Variants in NEB observed in about 807,000 individuals in gnomAD.
The protein encoded by NEB is nebulin.
NEB carries 512 observed loss-of-function variants against 952.2 expected under a neutral mutation model. The ratio of observed to expected loss-of-function variants is 0.54; its 90% CI spans 0.50 to 0.58. The LOEUF (loss-of-function observed/expected upper bound fraction) is 0.58. Among genes scored for constraint, NEB ranks in the 20% least tolerant of loss-of-function variants. The pLI is 0.00. For synonymous variants in NEB, 2,900 were observed against 3,149.8 expected (o/e 0.92, Z 2.66); for missense variants, 8,428 against 9,231.1 (o/e 0.91, Z 3.56).
intron 144 of NEB, 99 bp from the exon 145 acceptor site, chr2:151,531,200 A>G (rs894906365): frequency 2.5e-6 from 2 of 786,970 alleles, no homozygotes; most frequent in Non-Finnish European, 4.2e-6. Flanking sequence ...TATAAAGGAA[A>G]GAGAATTCTA....
rs1472738058 is a variant in NEB, at chr2:151,733,020, A to G, written c.36+101T>C. 2.5e-5 allele frequency: 26 copies of G among 1,029,324 alleles called. No homozygotes were observed. The East Asian group carries it at 6.5e-4, about 26-fold the overall frequency. 63.8% of individuals were successfully genotyped at this position (1,029,324 alleles called of 1,614,324 possible). On this transcript the variant is annotated intron_variant, in intron 3 of 181. Coordinates refer to ENST00000397345, the MANE Select transcript of NEB (RefSeq NM_001164508.2). ...TTAAATGATGACTCTTTGTGAAGTTATAATAGACAATGTATTTTTCGAATG... is the reference window on the plus strand; with the variant it reads ...TTAAATGATGACTCTTTGTGAAGTTGTAATAGACAATGTATTTTTCGAATG...
chr2:151,656,014 T>C lies in NEB; in HGVS notation c.6505A>G (p.Lys2169Glu), dbSNP rs752328965. 6.8e-6 allele frequency: 11 copies of C among 1,613,012 alleles called. No individual in the cohort carries two copies. The Admixed American group carries it at 1.8e-4, about 27-fold the overall frequency. ...MNRIQSDNEY[K>E]QDYNEWYKGL... Reference sequence around the variant, plus strand: ...TTGTACCATTCATTGTAATCTTGCTTATATTCATTCTATAAAGAAGATAAG... The same window carrying C: ...TTGTACCATTCATTGTAATCTTGCTCATATTCATTCTATAAAGAAGATAAG... Residue 2169 changes from lysine (K) to glutamate (E), a missense_variant, in exon 50 of 182, where the codon AAG (lysine) becomes GAG (glutamate). Transcript: ENST00000397345.
chr2:151,616,183 G>T, intron 75 of NEB, 74 bp from the exon 76 acceptor site: 2 of 1,067,842 alleles, frequency 1.9e-6, no homozygotes, highest in Non-Finnish European at 2.8e-6. Flanking sequence ...GTTTTTCTTT[G>T]TCCTCATTTA....
chr2:151,640,711 T>G, intron 60 of NEB, 45 bp from the exon 61 acceptor site: 1 of 1,556,810 alleles, frequency 6.4e-7, no homozygotes, highest in Non-Finnish European at 8.7e-7. Context: ...TAACTTTTAG[T>G]AAAAAGCAAT....
At position 151,568,133 on chromosome 2, in the gene NEB, T is replaced by C. The variant is rs753969729; in HGVS notation, c.17782A>G (p.Ile5928Val). Residue 5928 changes from isoleucine to valine, a missense_variant, in exon 113 of 182, where the codon ATT becomes GTT. By Grantham distance (29) the Ile-to-Val change is conservative. Transcript: ENST00000397345. Reference sequence around the variant, plus strand: ...AATGGCACAGCATCTGGAGGCAAAATGTAACCTGTGGCTTTTTGTCTCTCC... The same window carrying C: ...AATGGCACAGCATCTGGAGGCAAAACGTAACCTGTGGCTTTTTGTCTCTCC... ...GWERQKATGYILPPDAVPFVH... is the reference protein window; with the variant it reads ...GWERQKATGYVLPPDAVPFVH... 3.1e-6 allele frequency: 5 copies of C among 1,613,596 alleles called. No individual in the cohort carries two copies. The highest frequency in any genetic ancestry group is 2.2e-5 in the East Asian group (1 of 44,850).
chr2:151,631,449 G>A (rs752829395), intron 65 of NEB, 103 bp from the exon 66 acceptor site: 70 of 1,274,278 alleles, frequency 5.5e-5, no homozygotes, highest in East Asian at 4.7e-4. Flanking sequence ...TTTTCTATTC[G>A]TAGAAAACAA....
At position 151,566,028 on chromosome 2, in the gene NEB, AAAG is replaced by A. The variant is rs1412520560; in HGVS notation, c.18157-211_18157-209del. Reference sequence around the variant, plus strand: ...GCTTGGTGTTTTGATGAATAAGTATAAAGAAGGAGTCTAGGAGTTGAGATAAGT... The same window carrying A: ...GCTTGGTGTTTTGATGAATAAGTATAAAGGAGTCTAGGAGTTGAGATAAGT... On this transcript the variant is annotated intron_variant, in intron 114 of 181. Transcript: ENST00000397345. Among the ~76,000 whole-genome samples the A allele has an allele frequency of 5.3e-5, 8 of 152,354 alleles. No individual in the cohort carries two copies. In the East Asian group the frequency reaches 1.5e-3, roughly 29 times the overall value.
At chr2:151,518,254 T>C in intron 156 of NEB, 64 bp downstream of exon 156, 1 of 1,197,214 alleles carries the variant, frequency 8.4e-7, no homozygotes, top group Non-Finnish European at 1.2e-6. Context: ...TCTATGAAAT[T>C]TTTTTTCACA....
At position 151,519,666 on chromosome 2, in the gene NEB, C is replaced by T. The variant is rs765109120; in HGVS notation, c.22582G>A (p.Ala7528Thr). 7 of 1,606,014 alleles carry T rather than the reference C, an allele frequency of 4.4e-6. No individual in the cohort carries two copies. The Admixed American group carries it at 1.2e-4, about 27-fold the overall frequency. The change falls in exon 154 of 182, where the codon GCA (alanine) becomes ACA (threonine). Residue 7528 changes from alanine (A) to threonine (T), a missense_variant. Ala to Thr is a moderately conservative substitution (Grantham distance 58, BLOSUM62 0). Coordinates refer to ENST00000397345, the MANE Select transcript of NEB (RefSeq NM_001164508.2). ...YKVMKDANNL[A>T]SEVKYKADLK... ...CAATTTTAGAAACATACCTCACTTG[C>T]AAGATTATTAGCATCTTTCATGACT... is the stretch of plus-strand genomic sequence containing the variant.
intron 52 of NEB, among the ~76,000 whole-genome samples, chr2:151,653,055 A>G (rs75162551): frequency 0.011 from 1,687 of 152,322 alleles, 38 homozygotes; most frequent in East Asian, 0.063. Flanking sequence ...TGAATTAAAT[A>G]AAATCTTCCC....
At chr2:151,543,100 G>C (rs1204798867) in intron 135 of NEB, among the ~76,000 whole-genome samples, 3 of 152,150 alleles carry the variant, frequency 2.0e-5, no homozygotes, top group Non-Finnish European at 4.4e-5. Context: ...ACCAATGCCT[G>C]TTTCTTCTCC....
chr2:151,633,870 T>C lies in NEB; in HGVS notation c.9198A>G (p.Val3066=), dbSNP rs752327839. The change falls in exon 65 of 182, where the codon GTA becomes GTG. Residue 3066 remains valine (V), a synonymous_variant. Transcript: ENST00000397345. ...DDPKMMWSMH[V]AKIQSDREYK... is the part of the protein sequence containing the mutation. Reference sequence around the variant, plus strand: ...ACTCCCTGTCACTCTGGATCTTGGCTACGTGCATGGACCACATCATCTTGG... The same window carrying C: ...ACTCCCTGTCACTCTGGATCTTGGCCACGTGCATGGACCACATCATCTTGG... 33 of 1,613,902 alleles carry C rather than the reference T, an allele frequency of 2.0e-5. No individual in the cohort carries two copies. In the South Asian group the frequency reaches 3.4e-4, roughly 17 times the overall value.
chr2:151,567,114 A>G (rs2096440478), intron 114 of NEB, 54 bp downstream of exon 114: 1 of 1,427,480 alleles, frequency 7.0e-7, no homozygotes, highest in Non-Finnish European at 9.5e-7. Context: ...GTTGCTCATC[A>G]TTCTCAGAGT....
At chr2:151,555,816 T>C (rs1377558236) in intron 124 of NEB, among the ~76,000 whole-genome samples, 1 of 151,778 alleles carries the variant, frequency 6.6e-6, no homozygotes, top group Non-Finnish European at 1.5e-5. Flanking sequence ...AAAATCAGCT[T>C]CTTACATCTA....
In NEB at chr2:151,567,913, G is replaced by A. The variant is rs554975445; in HGVS notation, c.17844+158C>T. The stretch of plus-strand genomic sequence containing the variant: ...GCTCAAAGCCCATGGAAGAAAGACC[G>A]AAAAGTGAGCAGGTACTCCAACCAT... On this transcript the variant is annotated intron_variant, in intron 113 of 181. Transcript: ENST00000397345. Among the ~76,000 whole-genome samples, 18 of 152,220 alleles carry A rather than the reference G, an allele frequency of 1.2e-4. No homozygotes were observed. In the South Asian group the frequency reaches 3.1e-3, roughly 26 times the overall value.
chr2:151,674,418 G>A, intron 36 of NEB, 59 bp downstream of exon 36: 2 of 1,241,586 alleles, frequency 1.6e-6, no homozygotes. Context: ...ATTTAAACAA[G>A]CATTTGATTA....
At chr2:151,700,850 C>G (rs1268582590) in intron 13 of NEB, among the ~76,000 whole-genome samples, 16 of 123,636 alleles carry the variant, frequency 1.3e-4, no homozygotes, top group Non-Finnish European at 3.5e-5. Flanking sequence ...CTTGAATACC[C>G]TTTATTTCCT....
At chr2:151,644,190 C>T (rs1428398894) in intron 56 of NEB, 61 bp from the exon 57 acceptor site, 4 of 1,578,670 alleles carry the variant, frequency 2.5e-6, no homozygotes, top group Non-Finnish European at 3.5e-6. Flanking sequence ...ATCTTTGTGG[C>T]AAATTACAAA....
chr2:151,720,010 G>A (rs1425288841), intron 9 of NEB, among the ~76,000 whole-genome samples: 1 of 151,840 alleles, frequency 6.6e-6, no homozygotes, highest in Admixed American at 6.6e-5. Context: ...TGTTTATTAA[G>A]TATGACATCC....
Sources: allele counts gnomAD v4.1 joint callset (sites outside exome capture counted in the v4.1 genomes callset), GRCh38; gene constraint gnomAD v4.1.1; transcripts MANE v1.5; gene names NCBI Gene and HGNC (gene_info 2026-07-23, HGNC 2026-07-21).